CNTNAP2: variants seen among roughly 807,000 people sequenced by gnomAD.
CNTNAP2 encodes contactin associated protein 2.
Under a neutral mutation model 155.2 loss-of-function variants are expected in CNTNAP2, and 98 were observed. The ratio of observed to expected loss-of-function variants is 0.63; its 90% CI spans 0.54 to 0.75. The LOEUF (loss-of-function observed/expected upper bound fraction) is 0.75. Among genes scored for constraint, CNTNAP2 ranks in the 30% least tolerant of loss-of-function variants. The pLI is 0.00. For missense variants in CNTNAP2, 1,727 were observed against 1,688.1 expected, an observed-to-expected ratio of 1.02 and a Z score of -0.40; for synonymous variants, 651 against 631.2, an observed-to-expected ratio of 1.03 and a Z score of -0.47.
intron 12 of CNTNAP2, among the ~76,000 whole-genome samples, chr7:147,612,220 C>T (rs752769439): frequency 2.0e-5 from 3 of 152,134 alleles, no homozygotes; most frequent in Non-Finnish European, 4.4e-5. Flanking sequence ...GGAAAGTACA[C>T]ATAGCTCTTA....
chr7:147,745,606 A>G (rs1797026032), intron 13 of CNTNAP2, among the ~76,000 whole-genome samples: 1 of 152,224 alleles, frequency 6.6e-6, no homozygotes, highest in South Asian at 2.1e-4. Flanking sequence ...ATTTTCATTC[A>G]GTTCTTAATT....
intron 1 of CNTNAP2, among the ~76,000 whole-genome samples, chr7:146,619,086 A>G (rs2129155901): frequency 6.6e-6 from 1 of 152,196 alleles, no homozygotes; most frequent in Non-Finnish European, 1.5e-5. Flanking sequence ...AAAAAAAAAA[A>G]AAGTGAAATT....
intron 8 of CNTNAP2, among the ~76,000 whole-genome samples, chr7:147,206,951 T>C (rs1445908839): frequency 6.6e-6 from 1 of 152,162 alleles, no homozygotes; most frequent in East Asian, 1.9e-4. Flanking sequence ...TGACGGAAAT[T>C]ACTGCTCATT....
intron 3 of CNTNAP2, among the ~76,000 whole-genome samples, chr7:147,028,722 G>A (rs1798969397): frequency 1.3e-5 from 2 of 152,134 alleles, no homozygotes; most frequent in South Asian, 4.1e-4. Context: ...AGGCTCTCAG[G>A]AGGTCAGAAA....
At chr7:146,824,724 A>C (rs2067411398) in intron 2 of CNTNAP2, among the ~76,000 whole-genome samples, 1 of 152,106 alleles carries the variant, frequency 6.6e-6, no homozygotes, top group Non-Finnish European at 1.5e-5. Flanking sequence ...ATAATATGTT[A>C]CTTAAAGCTC....
At chr7:148,304,306 A>G (rs1156257156) in intron 21 of CNTNAP2, among the ~76,000 whole-genome samples, 1 of 152,202 alleles carries the variant, frequency 6.6e-6, no homozygotes, top group African/African-American at 2.4e-5. Flanking sequence ...CTGATAATAC[A>G]TATTAACACT....
chr7:146,590,261 T>C (rs1369901675), intron 1 of CNTNAP2, among the ~76,000 whole-genome samples: 1 of 152,202 alleles, frequency 6.6e-6, no homozygotes, highest in African/African-American at 2.4e-5. Flanking sequence ...CTATTTTTCA[T>C]TTAAAACTCA....
At chr7:147,647,455 T>A (rs1301738964) in intron 13 of CNTNAP2, among the ~76,000 whole-genome samples, 1 of 152,190 alleles carries the variant, frequency 6.6e-6, no homozygotes, top group African/African-American at 2.4e-5. Flanking sequence ...AATTATTTGC[T>A]TCCTTATGAA....
At chr7:147,601,393 T>C (rs1433266743) in intron 12 of CNTNAP2, among the ~76,000 whole-genome samples, 4 of 140,528 alleles carry the variant, frequency 2.8e-5, no homozygotes. Flanking sequence ...CGGGCAGGGG[T>C]GGGGGACACA....
intron 13 of CNTNAP2, among the ~76,000 whole-genome samples, chr7:147,661,368 A>G (rs75967165): frequency 0.078 from 11,910 of 152,186 alleles, 570 homozygotes; most frequent in South Asian, 0.14. Context: ...AATCCAGTGA[A>G]GCTCAGCTCC....
intron 13 of CNTNAP2, among the ~76,000 whole-genome samples, chr7:147,761,729 G>A (rs1056610249): frequency 6.6e-6 from 1 of 152,126 alleles, no homozygotes; most frequent in Non-Finnish European, 1.5e-5. Flanking sequence ...GGTAATAATT[G>A]TGTATATTCA....
intron 1 of CNTNAP2, among the ~76,000 whole-genome samples, chr7:146,172,127 C>G (rs1798403239): frequency 1.1e-5 from 1 of 94,948 alleles, no homozygotes; most frequent in Non-Finnish European, 2.2e-5. Flanking sequence ...CGTGTTATTT[C>G]TTGGGTTTTC....
At chr7:147,642,005 T>G (rs1466188550) in intron 13 of CNTNAP2, among the ~76,000 whole-genome samples, 1 of 133,116 alleles carries the variant, frequency 7.5e-6, no homozygotes, top group African/African-American at 2.9e-5. Context: ...TAGGTGTGTG[T>G]GTGTGCGTGT....
intron 12 of CNTNAP2, among the ~76,000 whole-genome samples, chr7:147,609,886 G>A (rs1212803104): frequency 6.6e-6 from 1 of 151,996 alleles, no homozygotes; most frequent in Non-Finnish European, 1.5e-5. Flanking sequence ...TTAGGGGAGA[G>A]TAAATAAATT....
At chr7:146,508,731 G>A (rs1307735690) in intron 1 of CNTNAP2, among the ~76,000 whole-genome samples, 2 of 152,204 alleles carry the variant, frequency 1.3e-5, no homozygotes, top group African/African-American at 2.4e-5. Context: ...ACATGGTCAA[G>A]CAGCATCATC....
At chr7:146,577,357 T>A (rs1466065183) in intron 1 of CNTNAP2, among the ~76,000 whole-genome samples, 1 of 152,098 alleles carries the variant, frequency 6.6e-6, no homozygotes, top group Non-Finnish European at 1.5e-5. Flanking sequence ...ACACATTCCT[T>A]TAAAAATATG....
At chr7:147,490,878 G>A (rs1288959492) in intron 11 of CNTNAP2, among the ~76,000 whole-genome samples, 1 of 152,120 alleles carries the variant, frequency 6.6e-6, no homozygotes, top group Non-Finnish European at 1.5e-5. Context: ...TCTTGACATG[G>A]TGGCAGGAGA....
At chr7:147,972,310 A>C (rs1801346870) in intron 14 of CNTNAP2, among the ~76,000 whole-genome samples, 1 of 152,214 alleles carries the variant, frequency 6.6e-6, no homozygotes, top group South Asian at 2.1e-4. Flanking sequence ...AGAGAAGTCC[A>C]TCTACTCTGC....
rs141321290 is a variant in CNTNAP2, at chr7:146,459,996, A to G, written c.98-314275A>G. ...AACAAAAAACAAAACAAAACAAAAC[A>G]GAAAACAGGGGCTACTGGATGCTTG... On this transcript the variant is annotated intron_variant, in intron 1 of 23. Coordinates refer to ENST00000361727, the MANE Select transcript of CNTNAP2 (RefSeq NM_014141.6). 4.6e-3 allele frequency among the ~76,000 whole-genome samples: 699 copies of G among 152,168 alleles called. 7 individuals carry two copies. Among genetic ancestry groups the G allele is most frequent in the African/African-American group, 0.016 (662 of 41,520 alleles).
Sources: gnomAD v4.1 joint callset for allele counts (sites outside exome capture counted in the v4.1 genomes callset) on GRCh38, gnomAD v4.1.1 for gene constraint, MANE v1.5 for transcripts, NCBI Gene and HGNC (gene_info 2026-07-23, HGNC 2026-07-21) for gene names.